Variants in HK1 observed in about 807,000 individuals in gnomAD.
The protein encoded by HK1 is hexokinase 1, also known as hexokinase-1.
Under a neutral mutation model 91.6 loss-of-function variants are expected in HK1, and 28 were observed. The observed-to-expected ratio is 0.31, with a 90% CI of 0.23 to 0.42. HK1 has a LOEUF of 0.42. Ranked by LOEUF, HK1 falls within the 10% of genes least tolerant of loss-of-function variation. The pLI is 1.00. For synonymous variants in HK1, 430 were observed against 468.1 expected, an observed-to-expected ratio of 0.92 and a Z score of 1.05; for missense variants, 770 against 1,219.8, an observed-to-expected ratio of 0.63 and a Z score of 5.49.
chr10:69,276,118 A>ATATATATAT lies in HK1; in HGVS notation c.-391+6010_-391+6011insTATATATAT, dbSNP rs1426672139. Among the ~76,000 whole-genome samples, 32 of 38,264 alleles carry ATATATATAT rather than the reference A, an allele frequency of 8.4e-4. 1 individual carries two copies. Among genetic ancestry groups the ATATATATAT allele is most frequent in the African/African-American group, 2.1e-3 (28 of 13,310 alleles). 25.1% of individuals were successfully genotyped at this position (38,264 alleles called of 152,430 possible). On this transcript the variant is annotated intron_variant, in intron 1 of 21. Transcript: ENST00000360289. ...AAAAAAAAAAAAAAAAAAAAAAAAA[A>ATATATATAT]ATACATATATATATATATATACACA...
At position 69,369,548 on chromosome 10, in the gene HK1, G is replaced by T; in HGVS notation, c.799G>T (p.Asp267Tyr). 1.9e-6 allele frequency: 3 copies of T among 1,614,226 alleles called. No individual in the cohort carries two copies. Among genetic ancestry groups the T allele is most frequent in the Non-Finnish European group, 2.5e-6 (3 of 1,180,042 alleles). Residue 267 changes from aspartate to tyrosine, a missense_variant, in exon 7 of 18, where the codon GAT becomes TAT. Around this residue, in one of 7 missense-constraint regions of HK1, gnomAD observed 449 missense variants for 665.1 expected, o/e 0.68. Coordinates refer to ENST00000359426, the MANE Select transcript of HK1 (RefSeq NM_000188.3). The surrounding 1 kb of genome is among the most constrained non-coding windows in gnomAD (Gnocchi z 4.4). ...INTEWGAFGD[D>Y]GSLEDIRTEF... ...TACAGAATGGGGAGCCTTTGGAGAC[G>T]ATGGATCATTAGAAGACATCCGGAC...
chr10:69,322,335 C>T (rs1441344624), intron 1 of HK1, among the ~76,000 whole-genome samples: 1 of 152,056 alleles, frequency 6.6e-6, no homozygotes, highest in Non-Finnish European at 1.5e-5. Flanking sequence ...TAATTCAACT[C>T]CATAAAAATA....
At chr10:69,392,436 C>G (rs988189529) in intron 15 of HK1, 128 bp downstream of exon 15, 2 of 947,306 alleles carry the variant, frequency 2.1e-6, no homozygotes, top group South Asian at 1.4e-5. Context: ...GACTGGACCC[C>G]CTGGCTCACT....
At chr10:69,295,399 T>C (rs1450758606) in intron 3 of HK1, among the ~76,000 whole-genome samples, 1 of 152,232 alleles carries the variant, frequency 6.6e-6, no homozygotes. Flanking sequence ...CCTGGTACAT[T>C]TGTAAGAACC....
At position 69,380,066 on chromosome 10, in the gene HK1, C is replaced by T. The variant is rs541954746; in HGVS notation, c.1236C>T (p.Val412=). The stretch of plus-strand genomic sequence containing the variant: ...CCAGGCTGCGGACCACGGTTGGTGT[C>T]GACGGATCTCTTTACAAGACGCACC... ...GTPRLRTTVG[V]DGSLYKTHPQ... is the part of the protein sequence containing the mutation. The change falls in exon 9 of 18, where the codon GTC becomes GTT. Residue 412 remains valine, a synonymous_variant. Transcript: ENST00000359426. This position sits in a 1 kb window ranked among gnomAD's most constrained non-coding sequence, Gnocchi z 4.0. 41 of 1,613,892 alleles carry T rather than the reference C, an allele frequency of 2.5e-5. No homozygotes were observed. Among genetic ancestry groups the T allele is most frequent in the South Asian group, 1.3e-4 (12 of 91,078 alleles).
At chr10:69,295,287 A>G (rs551568686) in intron 3 of HK1, among the ~76,000 whole-genome samples, 196 of 152,244 alleles carry the variant, frequency 1.3e-3, no homozygotes, top group Non-Finnish European at 2.4e-3. Flanking sequence ...CTGCGCTTCC[A>G]TTACTGACCG....
rs185099736 is a variant in HK1, at chr10:69,376,137, C to T, written c.876-797C>T. The stretch of plus-strand genomic sequence containing the variant: ...CCAGGGGGAGTGGCTGCCTTTCCCT[C>T]GGAGAAGCTGTTTACCCTTTCTGAG... On this transcript the variant is annotated intron_variant, in intron 7 of 17. Coordinates refer to ENST00000359426, the MANE Select transcript of HK1 (RefSeq NM_000188.3). 9.7e-4 allele frequency among the ~76,000 whole-genome samples: 148 copies of T among 152,248 alleles called. 1 individual carries two copies. The highest frequency in any genetic ancestry group is 3.5e-3 in the Admixed American group (53 of 15,300).
intron 5 of HK1, among the ~76,000 whole-genome samples, chr10:69,310,221 G>C (rs1426250825): frequency 1.3e-5 from 2 of 150,894 alleles, no homozygotes; most frequent in African/African-American, 4.9e-5. Flanking sequence ...AGGAGTTCGA[G>C]ACCAGGCTGG....
chr10:69,364,982 TC>T, intron 4 of HK1, 80 bp downstream of exon 4: 1 of 1,533,434 alleles, frequency 6.5e-7, no homozygotes, highest in Non-Finnish European at 9.0e-7. Context: ...CCACAACTTT[TC>T]CCCTTTGTTG....
At chr10:69,289,217 A>AGG (rs1478313942) in intron 3 of HK1, among the ~76,000 whole-genome samples, 2 of 152,192 alleles carry the variant, frequency 1.3e-5, no homozygotes, top group East Asian at 3.8e-4. Context: ...GAGGCAAGGC[A>AGG]GGAGCCCCCT....
chr10:69,284,481 A>C (rs190339400), intron 2 of HK1, among the ~76,000 whole-genome samples: 33 of 152,282 alleles, frequency 2.2e-4, no homozygotes, highest in Admixed American at 4.6e-4. Flanking sequence ...CAAGGCTAAA[A>C]CTATGTAAAA....
intron 5 of HK1, 138 bp downstream of exon 5, chr10:69,368,769 C>T (rs1376387389): frequency 1.4e-6 from 1 of 734,478 alleles, no homozygotes; most frequent in Non-Finnish European, 2.4e-6. Flanking sequence ...GTTGAGGGCT[C>T]ACAGTGTGGA....
chr10:69,273,316 T>C (rs891291360), intron 1 of HK1, among the ~76,000 whole-genome samples: 1 of 151,958 alleles, frequency 6.6e-6, no homozygotes, highest in African/African-American at 2.4e-5. Context: ...CCGGAATTCA[T>C]GCCATTCTCC....
At chr10:69,387,534 G>A (rs1006266290) in intron 13 of HK1, among the ~76,000 whole-genome samples, 9 of 82,434 alleles carry the variant, frequency 1.1e-4, no homozygotes, top group African/African-American at 1.6e-4. Context: ...CAATCTGCTC[G>A]CCTTGGCCTC....
chr10:69,321,518 A>G (rs1847027990), intron 1 of HK1, among the ~76,000 whole-genome samples: 1 of 152,146 alleles, frequency 6.6e-6, no homozygotes, highest in Non-Finnish European at 1.5e-5. Flanking sequence ...AGCCATGATG[A>G]TTCAGCCCTC....
At chr10:69,312,148 C>A (rs1447571790), upstream of HK1, among the ~76,000 whole-genome samples, 1 of 152,138 alleles carries the variant, frequency 6.6e-6, no homozygotes, top group African/African-American at 2.4e-5. Context: ...AGACAAAAGA[C>A]GATTAAGAGA....
chr10:69,295,484 CATG>C, intron 3 of HK1: 1 of 681,440 alleles, frequency 1.5e-6, no homozygotes, highest in Non-Finnish European at 2.7e-6. Flanking sequence ...AATTGGTAAT[CATG>C]ATAGAATTTG....
chr10:69,385,179 C>A (rs1044083610), intron 12 of HK1, among the ~76,000 whole-genome samples: 11 of 152,206 alleles, frequency 7.2e-5, no homozygotes, highest in African/African-American at 2.4e-4. Flanking sequence ...CTTCTGTGCC[C>A]CCTGTTCATT....
chr10:69,350,239 T>C (rs1424861457), intron 2 of HK1, among the ~76,000 whole-genome samples: 2 of 152,162 alleles, frequency 1.3e-5, no homozygotes, highest in Non-Finnish European at 2.9e-5. Flanking sequence ...GGATTACGCA[T>C]TGGTACCCCT....
Sources: allele counts gnomAD v4.1 joint callset (sites outside exome capture counted in the v4.1 genomes callset), GRCh38; gene constraint gnomAD v4.1.1; regional missense constraint gnomAD v4.1.1; non-coding constraint Gnocchi (gnomAD v3.1); transcripts MANE v1.5; gene names NCBI Gene and HGNC (gene_info 2026-07-23, HGNC 2026-07-21).